NXPH1: variants seen among roughly 807,000 people sequenced by gnomAD.
NXPH1 encodes the protein neurexophilin-1.
Under a neutral mutation model 23.7 loss-of-function variants are expected in NXPH1, and 5 were observed. The ratio of observed to expected loss-of-function variants is 0.21; its 90% CI spans 0.11 to 0.44. The LOEUF (loss-of-function observed/expected upper bound fraction) is 0.44, where lower values mean the gene tolerates loss of function less well. Among genes scored for constraint, NXPH1 ranks in the 20% least tolerant of loss-of-function variants. NXPH1 has a pLI of 0.99. For missense variants in NXPH1, 324 were observed against 321.6 expected (o/e 1.01, Z -0.06); for synonymous variants, 144 against 122.2 (o/e 1.18, Z -1.18).
chr7:8,464,032 T>C (rs752538921), intron 2 of NXPH1, among the ~76,000 whole-genome samples: 2 of 152,108 alleles, frequency 1.3e-5, no homozygotes, highest in African/African-American at 4.8e-5. Flanking sequence ...TCCTCCTCCT[T>C]TTCTTTGTTC....
chr7:8,533,837 T>C (rs988618640), intron 2 of NXPH1, among the ~76,000 whole-genome samples: 1 of 152,098 alleles, frequency 6.6e-6, no homozygotes, highest in Non-Finnish European at 1.5e-5. Flanking sequence ...AATATTTTGG[T>C]GTCAAGGGGA....
intron 2 of NXPH1, among the ~76,000 whole-genome samples, chr7:8,660,978 T>C (rs1458629266): frequency 1.5e-5 from 1 of 66,200 alleles, no homozygotes; most frequent in Non-Finnish European, 3.3e-5. Context: ...TTAAAGTAAG[T>C]GGCTAACACA....
In NXPH1 at chr7:8,751,536, C is replaced by G; in HGVS notation, c.583C>G (p.Arg195Gly). The change falls in exon 3 of 3, where the codon CGC becomes GGC. Residue 195 changes from arginine (R) to glycine (G), a missense_variant. Arg to Gly is a moderately radical substitution (Grantham distance 125). Transcript: ENST00000405863. The surrounding 1 kb of genome is among the most constrained non-coding windows in gnomAD (Gnocchi z 4.5). ...CAAAGATTCCAAGTCTTTTAATTGTCGCATTGAATATGAAAAGGTTGACAA... is the reference window on the plus strand; with the variant it reads ...CAAAGATTCCAAGTCTTTTAATTGTGGCATTGAATATGAAAAGGTTGACAA... ...DAKDSKSFNC[R>G]IEYEKVDKAT... The G allele has an allele frequency of 6.2e-7, 1 of 1,613,372 alleles. No homozygotes were observed. The highest frequency in any genetic ancestry group is 1.3e-5 in the African/African-American group (1 of 75,010).
intron 2 of NXPH1, among the ~76,000 whole-genome samples, chr7:8,551,422 G>C (rs1455956866): frequency 2.0e-5 from 3 of 151,364 alleles, no homozygotes; most frequent in Non-Finnish European, 1.5e-5. Context: ...AATTCAGCCA[G>C]ACTTTTAAAA....
intron 2 of NXPH1, among the ~76,000 whole-genome samples, chr7:8,642,757 G>C (rs1444662181): frequency 6.6e-6 from 1 of 152,050 alleles, no homozygotes; most frequent in African/African-American, 2.4e-5. Flanking sequence ...GGTCAATGGA[G>C]AATAGTAACT....
intron 2 of NXPH1, among the ~76,000 whole-genome samples, chr7:8,694,287 G>A (rs937984261): frequency 2.6e-5 from 4 of 152,192 alleles, no homozygotes; most frequent in African/African-American, 9.7e-5. Flanking sequence ...ATGTGCATTG[G>A]TTGAGTTGTC....
At chr7:8,538,323 A>G (rs796600576) in intron 2 of NXPH1, among the ~76,000 whole-genome samples, 5 of 152,004 alleles carry the variant, frequency 3.3e-5, no homozygotes, top group African/African-American at 1.2e-4. Flanking sequence ...CTTTTCCTCC[A>G]ACAATCAGAG....
At chr7:8,567,496 G>A (rs1818566505) in intron 2 of NXPH1, among the ~76,000 whole-genome samples, 2 of 151,900 alleles carry the variant, frequency 1.3e-5, no homozygotes, top group African/African-American at 4.8e-5. Context: ...ATCACAATGA[G>A]TCAGACATAC....
intron 2 of NXPH1, among the ~76,000 whole-genome samples, chr7:8,508,691 C>A (rs1349352986): frequency 6.6e-6 from 1 of 151,988 alleles, no homozygotes; most frequent in Non-Finnish European, 1.5e-5. Flanking sequence ...GAGGCTACAG[C>A]TATTTCTTCT....
intron 2 of NXPH1, among the ~76,000 whole-genome samples, chr7:8,738,048 G>T (rs764616222): frequency 3.3e-5 from 5 of 151,982 alleles, no homozygotes; most frequent in Non-Finnish European, 7.4e-5. Context: ...CTTTTTTCAA[G>T]GTTCTTAGCT....
At chr7:8,591,105 T>C (rs1819085601) in intron 2 of NXPH1, among the ~76,000 whole-genome samples, 1 of 152,070 alleles carries the variant, frequency 6.6e-6, no homozygotes, top group Non-Finnish European at 1.5e-5. Context: ...ATACTATTTC[T>C]CACACCTACA....
intron 2 of NXPH1, among the ~76,000 whole-genome samples, chr7:8,563,497 A>G (rs1425191341): frequency 6.6e-6 from 1 of 151,746 alleles, no homozygotes; most frequent in Non-Finnish European, 1.5e-5. Context: ...TGATGTTACC[A>G]TTTTTATTGA....
chr7:8,650,107 C>A (rs747596253), intron 2 of NXPH1, among the ~76,000 whole-genome samples: 1 of 152,066 alleles, frequency 6.6e-6, no homozygotes, highest in Admixed American at 6.6e-5. Context: ...CAATTTTTAT[C>A]TTAATTTACT....
At chr7:8,519,895 T>C (rs1432241337) in intron 2 of NXPH1, among the ~76,000 whole-genome samples, 1 of 152,180 alleles carries the variant, frequency 6.6e-6, no homozygotes, top group African/African-American at 2.4e-5. Flanking sequence ...TAGACATTAA[T>C]GTATCATTTG....
chr7:8,487,535 C>T (rs1393464586), intron 2 of NXPH1, among the ~76,000 whole-genome samples: 1 of 152,118 alleles, frequency 6.6e-6, no homozygotes, highest in Non-Finnish European at 1.5e-5. Context: ...GCAGTGGGAA[C>T]AGACTAATAC....
At chr7:8,550,792 G>T (rs1010662986) in intron 2 of NXPH1, among the ~76,000 whole-genome samples, 54 of 151,472 alleles carry the variant, frequency 3.6e-4, no homozygotes, top group African/African-American at 8.9e-4. Context: ...AGTTCTCCAG[G>T]TTGTTACATA....
chr7:8,550,645 T>C (rs1818263987), intron 2 of NXPH1, among the ~76,000 whole-genome samples: 1 of 151,560 alleles, frequency 6.6e-6, no homozygotes, highest in Non-Finnish European at 1.5e-5. Context: ...AGAGAGGAAA[T>C]GGGAATTATT....
chr7:8,725,077 T>A (rs999519767), intron 2 of NXPH1, among the ~76,000 whole-genome samples: 1 of 152,190 alleles, frequency 6.6e-6, no homozygotes, highest in Admixed American at 6.5e-5. Flanking sequence ...AAGGAATGGA[T>A]GTTACCTTCT....
chr7:8,633,743 T>G (rs951118307), intron 2 of NXPH1, among the ~76,000 whole-genome samples: 5 of 152,192 alleles, frequency 3.3e-5, no homozygotes, highest in Non-Finnish European at 5.9e-5. Flanking sequence ...AAGCTGAACC[T>G]TGCATGAGCT....
Sources: gnomAD v4.1 joint callset for allele counts (sites outside exome capture counted in the v4.1 genomes callset) on GRCh38, gnomAD v4.1.1 for gene constraint, Gnocchi (gnomAD v3.1) non-coding constraint, MANE v1.5 for transcripts, NCBI Gene and HGNC (gene_info 2026-07-23, HGNC 2026-07-21) for gene names.